The following MTUS2 variants were observed in gnomAD, a reference collection of about 807,000 sequenced individuals.
The protein encoded by MTUS2 is microtubule-associated tumor suppressor candidate 2.
MTUS2 carries 40 observed loss-of-function variants against 114.1 expected under a neutral mutation model. That is an observed-to-expected ratio of 0.35 (90% CI 0.27 to 0.46). The LOEUF is 0.46. Among genes scored for constraint, MTUS2 ranks in the 20% least tolerant of loss-of-function variants. The pLI, the probability that MTUS2 is intolerant of heterozygous loss-of-function variation, is 1.00. For synonymous variants in MTUS2, 688 were observed against 672.0 expected, an observed-to-expected ratio of 1.02 and a Z score of -0.37; for missense variants, 1,679 against 1,705.4, an observed-to-expected ratio of 0.98 and a Z score of 0.27.
At chr13:29,278,199 A>T (rs921610475) in intron 5 of MTUS2, among the ~76,000 whole-genome samples, 1 of 152,172 alleles carries the variant, frequency 6.6e-6, no homozygotes, top group African/African-American at 2.4e-5. Context: ...GAACTTTAAA[A>T]TTTTTCAAAC....
intron 5 of MTUS2, among the ~76,000 whole-genome samples, chr13:29,103,873 C>A (rs1031431733): frequency 3.9e-5 from 6 of 152,228 alleles, no homozygotes; most frequent in Non-Finnish European, 7.3e-5. Context: ...AATGTCCACA[C>A]TGACTGTGGC....
At chr13:29,466,008 A>G (rs1297931624) in intron 9 of MTUS2, among the ~76,000 whole-genome samples, 1 of 152,142 alleles carries the variant, frequency 6.6e-6, no homozygotes, top group African/African-American at 2.4e-5. Context: ...TGGGATTCAC[A>G]CCTACAGTAG....
At chr13:28,924,914 A>G (rs937452149) in intron 2 of MTUS2, among the ~76,000 whole-genome samples, 1 of 152,024 alleles carries the variant, frequency 6.6e-6, no homozygotes, top group African/African-American at 2.4e-5. Context: ...AAAAGGGTAC[A>G]CACATCGCCT....
chr13:29,148,288 C>T (rs996200340), intron 5 of MTUS2, among the ~76,000 whole-genome samples: 10 of 149,972 alleles, frequency 6.7e-5, no homozygotes, highest in East Asian at 2.0e-4. Flanking sequence ...TAAATGTGTG[C>T]GATGCTGGTT....
chr13:28,820,919 G>T (rs1873853385), intron 1 of MTUS2, among the ~76,000 whole-genome samples: 2 of 152,168 alleles, frequency 1.3e-5, no homozygotes, highest in Admixed American at 1.3e-4. Flanking sequence ...GGATAATTTG[G>T]TCTGAGTCTT....
chr13:29,175,384 A>G (rs935391827), intron 5 of MTUS2, among the ~76,000 whole-genome samples: 3 of 152,224 alleles, frequency 2.0e-5, no homozygotes, highest in Non-Finnish European at 2.9e-5. Flanking sequence ...AATCACAGTC[A>G]TTTCCATCTG....
At chr13:29,397,254 A>C (rs544033959) in intron 8 of MTUS2, among the ~76,000 whole-genome samples, 80 of 152,308 alleles carry the variant, frequency 5.3e-4, no homozygotes, top group Non-Finnish European at 6.6e-4. Flanking sequence ...GCCCTACAAC[A>C]GATCCTCTAA....
intron 2 of MTUS2, among the ~76,000 whole-genome samples, chr13:28,883,509 C>T (rs929574569): frequency 6.6e-6 from 1 of 152,110 alleles, no homozygotes; most frequent in African/African-American, 2.4e-5. Flanking sequence ...TTGGATGGAT[C>T]TCCAGGGAAT....
intron 8 of MTUS2, among the ~76,000 whole-genome samples, chr13:29,399,496 C>A (rs1168221813): frequency 6.6e-6 from 1 of 152,032 alleles, no homozygotes; most frequent in Non-Finnish European, 1.5e-5. Context: ...CAAAGATTAT[C>A]AAAAATTATC....
chr13:28,902,997 T>C (rs769869028), intron 2 of MTUS2, among the ~76,000 whole-genome samples: 4 of 152,116 alleles, frequency 2.6e-5, no homozygotes, highest in African/African-American at 9.7e-5. Context: ...AACTCTTCAG[T>C]AGTTTATAGG....
At chr13:28,999,347 T>C (rs1458151001) in intron 2 of MTUS2, among the ~76,000 whole-genome samples, 2 of 152,184 alleles carry the variant, frequency 1.3e-5, no homozygotes, top group African/African-American at 4.8e-5. Flanking sequence ...AGGGACCCAC[T>C]TGAGGAGGCA....
chr13:28,875,455 C>A lies in MTUS2; in HGVS notation c.-243+35605C>A, dbSNP rs191157712. On this transcript the variant is annotated intron_variant, in intron 2 of 15. Coordinates refer to ENST00000612955, the MANE Select transcript of MTUS2 (RefSeq NM_001033602.4). ...TTTTTTGTTTCGTTTTGTTTATTAT[C>A]CTGGCTATGCCCTTACATTGCTGTT... is the stretch of plus-strand genomic sequence containing the variant. 4.6e-5 allele frequency among the ~76,000 whole-genome samples: 7 copies of A among 152,288 alleles called. 1 individual carries two copies. The East Asian group carries it at 7.7e-4, about 17-fold the overall frequency.
intron 5 of MTUS2, among the ~76,000 whole-genome samples, chr13:29,162,099 G>T (rs1423864933): frequency 6.6e-6 from 1 of 152,072 alleles, no homozygotes; most frequent in African/African-American, 2.4e-5. Flanking sequence ...TGTATTCACA[G>T]AGGTCCCTTC....
chr13:29,027,352 C>T (rs1184391653), intron 3 of MTUS2, among the ~76,000 whole-genome samples: 1 of 152,144 alleles, frequency 6.6e-6, no homozygotes, highest in African/African-American at 2.4e-5. Flanking sequence ...TGAAGAACAG[C>T]AAATGAGCAG....
At chr13:29,298,859 G>C (rs1899065207) in intron 6 of MTUS2, among the ~76,000 whole-genome samples, 1 of 152,172 alleles carries the variant, frequency 6.6e-6, no homozygotes, top group South Asian at 2.1e-4. Context: ...TCCCAGATTT[G>C]ACACCAGAAG....
chr13:28,868,724 G>T (rs949654663), intron 2 of MTUS2, among the ~76,000 whole-genome samples: 12 of 152,160 alleles, frequency 7.9e-5, no homozygotes, highest in African/African-American at 1.2e-4. Context: ...TAAAAGAAAA[G>T]ACATTTTAAC....
chr13:29,162,067 G>C (rs7139933), intron 5 of MTUS2, among the ~76,000 whole-genome samples: 8 of 151,990 alleles, frequency 5.3e-5, no homozygotes, highest in Non-Finnish European at 1.0e-4. Context: ...TCAAAATTTA[G>C]CATCCCTCCA....
chr13:28,833,418 C>T (rs1281242483), intron 1 of MTUS2, among the ~76,000 whole-genome samples: 1 of 152,024 alleles, frequency 6.6e-6, no homozygotes, highest in South Asian at 2.1e-4. Flanking sequence ...GAAAATCAAT[C>T]AATTTAATAT....
intron 8 of MTUS2, among the ~76,000 whole-genome samples, chr13:29,403,121 A>T (rs1052482209): frequency 6.6e-6 from 1 of 152,194 alleles, no homozygotes; most frequent in African/African-American, 2.4e-5. Context: ...CACTTGTCTT[A>T]AGGGATAAAT....
Sources: gnomAD v4.1 joint callset for allele counts (sites outside exome capture counted in the v4.1 genomes callset) on GRCh38, gnomAD v4.1.1 for gene constraint, MANE v1.5 for transcripts, NCBI Gene and HGNC (gene_info 2026-07-23, HGNC 2026-07-21) for gene names.